The following OSR1 variants were observed in gnomAD, a reference collection of about 807,000 sequenced individuals.
The protein encoded by OSR1 is protein odd-skipped-related 1.
In OSR1, 3 loss-of-function variants were observed where a neutral mutation model predicts 15.7. That is an observed-to-expected ratio of 0.19 (90% CI 0.09 to 0.50). OSR1 has a LOEUF of 0.50. Among genes scored for constraint, OSR1 ranks in the 20% least tolerant of loss-of-function variants. OSR1 has a pLI of 0.97. For missense variants in OSR1, 271 were observed against 351.1 expected, an observed-to-expected ratio of 0.77 and a Z score of 1.82; for synonymous variants, 166 against 152.7, an observed-to-expected ratio of 1.09 and a Z score of -0.64.
chr2:19,352,034 G>A lies in OSR1; in HGVS notation c.*241C>T, dbSNP rs1664850444. On this transcript the variant is annotated 3_prime_UTR_variant, in exon 3 of 3. Transcript: ENST00000272223. ...TTTAATGCAGTTTCCCTTCCGCCAC[G>A]TGAGTACCGCCTTTTGGCCAAGAGT... The A allele has an allele frequency of 2.5e-6, 1 of 396,178 alleles. No homozygotes were observed. The highest frequency in any genetic ancestry group is 4.5e-6 in the Non-Finnish European group (1 of 223,260). The allele number at this position is 396,178 out of a possible 1,614,324, so 24.5% of individuals were successfully genotyped here. A position where few individuals can be genotyped will look rare whatever the true frequency, so the allele number is the denominator to read the frequency against.
At chr2:19,354,032 T>C in intron 1 of OSR1, 195 bp from the exon 2 acceptor site, 1 of 562,432 alleles carries the variant, frequency 1.8e-6, no homozygotes, top group Non-Finnish European at 3.1e-6. Flanking sequence ...GGAGCCCTCT[T>C]TTCAGAACCC....
downstream of OSR1, among the ~76,000 whole-genome samples, chr2:19,351,308 C>T (rs1415472032): frequency 6.6e-6 from 1 of 151,978 alleles, no homozygotes; most frequent in South Asian, 2.1e-4. Flanking sequence ...CATGGTGGGG[C>T]GGAGGCAGAC....
intron 1 of OSR1, chr2:19,355,848 G>A (rs1298520250): frequency 6.6e-6 from 1 of 152,256 alleles, no homozygotes; most frequent in Admixed American, 6.5e-5. Flanking sequence ...TCGGACACAA[G>A]GAGAAGTAAA....
the OSR1 span, among the ~76,000 whole-genome samples, chr2:19,346,127 T>C: frequency 6.6e-6 from 1 of 152,204 alleles, no homozygotes; most frequent in Non-Finnish European, 1.5e-5. Flanking sequence ...CCTTATCTTA[T>C]CTCACTAGCA....
chr2:19,351,313 G>C (rs1283528541), downstream of OSR1, among the ~76,000 whole-genome samples: 5 of 152,072 alleles, frequency 3.3e-5, no homozygotes, highest in African/African-American at 1.2e-4. Context: ...TGGGGCGGAG[G>C]CAGACCTAAC....
intron 1 of OSR1, chr2:19,355,479 G>T: frequency 6.6e-6 from 1 of 152,282 alleles, no homozygotes; most frequent in East Asian, 1.9e-4. Flanking sequence ...CCAGGGATGT[G>T]CAGTGCCTTT....
chr2:19,353,727 C>T lies in OSR1; in HGVS notation c.79G>A (p.Val27Met). The change falls in exon 2 of 3, where the codon GTG (valine) becomes ATG (methionine). Residue 27 changes from valine to methionine, a missense_variant. Physicochemically the swap from Val to Met is conservative, Grantham distance 21. Coordinates refer to ENST00000272223, the MANE Select transcript of OSR1 (RefSeq NM_145260.3). The part of the protein sequence containing the change: ...QLTNYSFLQA[V>M]NGLPTVPSDH... ...GAAGGCACTGTGGGCAGGCCGTTCA[C>T]TGCCTGAAGGAAGGAGTAGTTGGTG... is the stretch of plus-strand genomic sequence containing the variant. The T allele has an allele frequency of 6.2e-7, 1 of 1,614,102 alleles. No individual in the cohort carries two copies. The highest frequency in any genetic ancestry group is 8.5e-7 in the Non-Finnish European group (1 of 1,180,006).
At position 19,352,161 on chromosome 2, in the gene OSR1, G is replaced by T; in HGVS notation, c.*114C>A. On this transcript the variant is annotated 3_prime_UTR_variant, in exon 3 of 3. Coordinates refer to ENST00000272223, the MANE Select transcript of OSR1 (RefSeq NM_145260.3). Reference sequence around the variant, plus strand: ...CAGGGACCCAGGGGACAATGTTGGAGAGGTGGAAGGTCCCGAGCGAGCGCC... The same window carrying T: ...CAGGGACCCAGGGGACAATGTTGGATAGGTGGAAGGTCCCGAGCGAGCGCC... 1 of 1,228,404 alleles carries T rather than the reference G, an allele frequency of 8.1e-7. No homozygotes were observed. 76.1% of individuals were successfully genotyped at this position (1,228,404 alleles called of 1,614,324 possible). A position where few individuals can be genotyped will look rare whatever the true frequency, so the allele number is the denominator to read the frequency against.
chr2:19,349,754 G>T (rs1227665927), downstream of OSR1, among the ~76,000 whole-genome samples: 1 of 152,134 alleles, frequency 6.6e-6, no homozygotes, highest in African/African-American at 2.4e-5. Flanking sequence ...CAACCCCAAG[G>T]ATAGCATCCC....
At chr2:19,349,851 G>A (rs537154079), downstream of OSR1, among the ~76,000 whole-genome samples, 5 of 152,302 alleles carry the variant, frequency 3.3e-5, 1 homozygote, top group South Asian at 1.0e-3. Context: ...ACCATGGCCC[G>A]CAGCCTCCTG....
In OSR1 at chr2:19,352,128, G is replaced by A; in HGVS notation, c.*147C>T. 2.3e-6 allele frequency: 2 copies of A among 887,988 alleles called. No individual in the cohort carries two copies. The highest frequency in any genetic ancestry group is 3.2e-6 in the Non-Finnish European group (2 of 615,460). The allele number at this position is 887,988 out of a possible 1,614,324, so 55.0% of individuals were successfully genotyped here. ...GCCCCGGGCGGGGCTCTGAAGTGCC[G>A]CGTGCGCCAGGGACCCAGGGGACAA... On this transcript the variant is annotated 3_prime_UTR_variant, in exon 3 of 3. Transcript: ENST00000272223.
rs757601212 is a variant in OSR1 at position 19,353,524 on chromosome 2, A to T, written c.282T>A (p.His94Gln). 2.5e-6 allele frequency: 4 copies of T among 1,614,206 alleles called. No individual in the cohort carries two copies. In the Admixed American group the frequency reaches 6.7e-5, roughly 27 times the overall value. ...TGATCTCGGGCTTGGGTTGAATGAC[A>T]TGAGGGAACCAGGGAAAGGCGGGCA... ...FQLPAFPWFPHVIQPKPEITA... is the reference protein window; with the variant it reads ...FQLPAFPWFPQVIQPKPEITA... Residue 94 changes from histidine to glutamine, a missense_variant, in exon 2 of 3, where the codon CAT becomes CAA. Physicochemically the swap from His to Gln is conservative, Grantham distance 24. Transcript: ENST00000272223.
Position 19,352,079 on chromosome 2 carries a change from G to A in OSR1, c.*196C>T, listed in dbSNP as rs1357820387. ...AAGAGTTTAGCCGCGTCCTAGGGGA[G>A]CAGCAGGGACGGTCGGGGTCGCGGC... is the stretch of plus-strand genomic sequence containing the variant. On this transcript the variant is annotated 3_prime_UTR_variant, in exon 3 of 3. Coordinates refer to ENST00000272223, the MANE Select transcript of OSR1 (RefSeq NM_145260.3). 2.3e-5 allele frequency: 12 copies of A among 518,828 alleles called. No individual in the cohort carries two copies. The highest frequency in any genetic ancestry group is 1.0e-3 in the Middle Eastern group (2 of 1,986). The allele number at this position is 518,828 out of a possible 1,614,324, so 32.1% of individuals were successfully genotyped here.
At chr2:19,354,029 TC>T in intron 1 of OSR1, 192 bp from the exon 2 acceptor site, 1 of 569,114 alleles carries the variant, frequency 1.8e-6, no homozygotes, top group African/African-American at 1.9e-5. Flanking sequence ...AGGGGAGCCC[TC>T]TTTTCAGAAC....
the OSR1 span, among the ~76,000 whole-genome samples, chr2:19,345,328 T>C: frequency 0.17 from 25,117 of 151,834 alleles, 2,583 homozygotes; most frequent in East Asian, 0.48. Context: ...TTTGTCAATT[T>C]TGGCTTTTGT....
At chr2:19,345,053 T>A in the OSR1 span, among the ~76,000 whole-genome samples, 2 of 152,120 alleles carry the variant, frequency 1.3e-5, no homozygotes, top group South Asian at 4.1e-4. Context: ...AATTTTTGTA[T>A]ATATGTATAT....
At chr2:19,351,271 C>T (rs1036109933), downstream of OSR1, among the ~76,000 whole-genome samples, 1 of 151,988 alleles carries the variant, frequency 6.6e-6, no homozygotes, top group Non-Finnish European at 1.5e-5. Flanking sequence ...ATCCCTGAGG[C>T]GGAGGAGAAA....
chr2:19,348,924 C>A (rs1664786215), downstream of OSR1, among the ~76,000 whole-genome samples: 1 of 152,192 alleles, frequency 6.6e-6, no homozygotes, highest in South Asian at 2.1e-4. Flanking sequence ...ACAAAAACTT[C>A]AGGCCTAGCA....
chr2:19,348,218 C>G (rs114666149), downstream of OSR1, among the ~76,000 whole-genome samples: 461 of 152,232 alleles, frequency 3.0e-3, 5 homozygotes, highest in African/African-American at 0.011. Context: ...TGCAGGGCAC[C>G]GCCCTTCACT....
Sources: gnomAD v4.1 joint callset for allele counts (sites outside exome capture counted in the v4.1 genomes callset) on GRCh38, gnomAD v4.1.1 for gene constraint, MANE v1.5 for transcripts, NCBI Gene and HGNC (gene_info 2026-07-23, HGNC 2026-07-21) for gene names.